Variants in LINGO2 observed in about 807,000 individuals in gnomAD.
LINGO2 encodes the protein leucine rich repeat and Ig domain containing 2.
Under a neutral mutation model 30.6 loss-of-function variants are expected in LINGO2, and 14 were observed. The observed-to-expected ratio is 0.46, with a 90% confidence interval of 0.30 to 0.72. The LOEUF (loss-of-function observed/expected upper bound fraction) is 0.72, where lower values mean the gene tolerates loss of function less well. Ranked by LOEUF, LINGO2 falls within the 30% of genes least tolerant of loss-of-function variation. LINGO2 has a pLI of 0.07. For synonymous variants in LINGO2, 317 were observed against 288.5 expected, an observed-to-expected ratio of 1.10 and a Z score of -1.00; for missense variants, 729 against 751.7, an observed-to-expected ratio of 0.97 and a Z score of 0.35.
intron 4 of LINGO2, among the ~76,000 whole-genome samples, chr9:28,117,215 GGCTGCCC>G (rs1263673675): frequency 1.3e-5 from 2 of 151,996 alleles, no homozygotes; most frequent in African/African-American, 4.8e-5. Context: ...CTCCCAGTTA[GGCTGCCC>G]GGGGTTCAGG....
chr9:28,235,583 G>T (rs1821533457), intron 4 of LINGO2, among the ~76,000 whole-genome samples: 2 of 152,138 alleles, frequency 1.3e-5, no homozygotes, highest in Non-Finnish European at 2.9e-5. Flanking sequence ...GAAACTCAAA[G>T]AAATTCCAGA....
intron 1 of LINGO2, among the ~76,000 whole-genome samples, chr9:28,592,380 G>T (rs1824957918): frequency 6.6e-6 from 1 of 152,034 alleles, no homozygotes; most frequent in Admixed American, 6.6e-5. Flanking sequence ...TGGGAGTAGG[G>T]ATGGCTTCAA....
chr9:28,518,853 C>G (rs1401641310), intron 1 of LINGO2, among the ~76,000 whole-genome samples: 1 of 152,152 alleles, frequency 6.6e-6, no homozygotes, highest in African/African-American at 2.4e-5. Context: ...CAGTTTAATT[C>G]TTAGGTCCAG....
At chr9:28,762,132 A>G in the LINGO2 span, among the ~76,000 whole-genome samples, 574 of 152,216 alleles carry the variant, frequency 3.8e-3, 8 homozygotes, top group African/African-American at 0.013. Flanking sequence ...AAACCCAAAT[A>G]AAGTTAACTT....
chr9:28,690,803 A>C, the LINGO2 span, among the ~76,000 whole-genome samples: 1 of 152,138 alleles, frequency 6.6e-6, no homozygotes, highest in African/African-American at 2.4e-5. Flanking sequence ...TTCTCATTCT[A>C]ACAATTCACT....
chr9:28,476,465 C>T (rs936524622), intron 1 of LINGO2, among the ~76,000 whole-genome samples: 1 of 151,744 alleles, frequency 6.6e-6, no homozygotes, highest in South Asian at 2.1e-4. Context: ...TTAGTAGAGA[C>T]GGGGTTTCAC....
chr9:28,311,834 A>C (rs1485671796), intron 3 of LINGO2, among the ~76,000 whole-genome samples: 1 of 152,222 alleles, frequency 6.6e-6, no homozygotes, highest in Non-Finnish European at 1.5e-5. Context: ...TAAGAGATTA[A>C]ACCAAAGACA....
At chr9:28,498,369 C>T (rs1290653381) in intron 1 of LINGO2, among the ~76,000 whole-genome samples, 1 of 152,194 alleles carries the variant, frequency 6.6e-6, no homozygotes, top group Non-Finnish European at 1.5e-5. Context: ...GGGCGCCCCT[C>T]CGCTAGCCTC....
the LINGO2 span, among the ~76,000 whole-genome samples, chr9:29,042,177 G>A: frequency 2.6e-5 from 4 of 151,864 alleles, no homozygotes; most frequent in Non-Finnish European, 4.4e-5. Flanking sequence ...GAAGATATTG[G>A]ATCACTCATG....
chr9:28,309,953 A>G (rs1468786372), intron 3 of LINGO2, among the ~76,000 whole-genome samples: 1 of 152,126 alleles, frequency 6.6e-6, no homozygotes, highest in East Asian at 1.9e-4. Context: ...ACACCCCGAG[A>G]TATTGCCACA....
At chr9:28,110,897 A>G (rs1826761082) in intron 4 of LINGO2, among the ~76,000 whole-genome samples, 1 of 152,190 alleles carries the variant, frequency 6.6e-6, no homozygotes. Flanking sequence ...TATATACACA[A>G]AGGATTATAA....
At chr9:28,018,112 G>T (rs1415096100) in intron 4 of LINGO2, among the ~76,000 whole-genome samples, 2 of 152,032 alleles carry the variant, frequency 1.3e-5, no homozygotes, top group East Asian at 3.9e-4. Flanking sequence ...TGGGGAAAGG[G>T]ATACCTAGTC....
chr9:28,014,168 C>T (rs1241320340), intron 4 of LINGO2, among the ~76,000 whole-genome samples: 1 of 152,104 alleles, frequency 6.6e-6, no homozygotes, highest in African/African-American at 2.4e-5. Flanking sequence ...AACACATGAA[C>T]ACAGTTGGTG....
chr9:28,405,197 A>G (rs1204748488), intron 2 of LINGO2, among the ~76,000 whole-genome samples: 1 of 152,152 alleles, frequency 6.6e-6, no homozygotes, highest in Non-Finnish European at 1.5e-5. Context: ...GAACACTAAT[A>G]TATATTACGT....
At chr9:28,003,342 TATAGATAGATAGATAG>T (rs200150497) in intron 5 of LINGO2, among the ~76,000 whole-genome samples, 8,122 of 141,678 alleles carry the variant, frequency 0.057, 345 homozygotes, top group East Asian at 0.12. Context: ...TATATAGATA[TATAGATAGATAGATAG>T]ATAGATAGAT....
the LINGO2 span, among the ~76,000 whole-genome samples, chr9:29,018,657 T>C: frequency 6.6e-6 from 1 of 152,108 alleles, no homozygotes. Flanking sequence ...AGCTATTCAG[T>C]GGCTGAGCTG....
At chr9:28,071,558 G>A (rs1008135782) in intron 4 of LINGO2, among the ~76,000 whole-genome samples, 5 of 151,064 alleles carry the variant, frequency 3.3e-5, no homozygotes, top group East Asian at 1.9e-4. Flanking sequence ...GGTCTTAAAT[G>A]TATACATTTA....
At chr9:28,858,799 G>T in the LINGO2 span, among the ~76,000 whole-genome samples, 1 of 152,042 alleles carries the variant, frequency 6.6e-6, no homozygotes, top group African/African-American at 2.4e-5. Flanking sequence ...AGGCAATAAT[G>T]CATTTTAAAA....
the LINGO2 span, among the ~76,000 whole-genome samples, chr9:28,680,122 T>A: frequency 6.6e-6 from 1 of 152,152 alleles, no homozygotes; most frequent in Non-Finnish European, 1.5e-5. Context: ...CCTTGACCAA[T>A]ATCTCCTCAA....
Sources: gnomAD v4.1 joint callset for allele counts (sites outside exome capture counted in the v4.1 genomes callset) on GRCh38, gnomAD v4.1.1 for gene constraint, MANE v1.5 for transcripts, NCBI Gene and HGNC (gene_info 2026-07-23, HGNC 2026-07-21) for gene names.